ACTN4: variants seen among roughly 807,000 people sequenced by gnomAD.
ACTN4 encodes actinin alpha 4.
Under a neutral mutation model 114.2 loss-of-function variants are expected in ACTN4, and 18 were observed. That is an observed-to-expected ratio of 0.16 (90% CI 0.11 to 0.23). The LOEUF (loss-of-function observed/expected upper bound fraction) is 0.23, where lower values mean the gene tolerates loss of function less well. Ranked by LOEUF, ACTN4 falls within the 10% of genes least tolerant of loss-of-function variation. The pLI, the probability that ACTN4 is intolerant of heterozygous loss-of-function variation, is 1.00. For synonymous variants in ACTN4, 515 were observed against 506.3 expected (o/e 1.02, Z -0.23); for missense variants, 722 against 1,262.9 (o/e 0.57, Z 6.49).
intron 1 of ACTN4, among the ~76,000 whole-genome samples, chr19:38,663,716 G>T (rs536596503): frequency 3.5e-4 from 54 of 152,186 alleles, no homozygotes; most frequent in Admixed American, 7.2e-4. Flanking sequence ...TCTTCGGGGA[G>T]CTGCTGGTTT....
At chr19:38,687,611 C>T (rs1178550754) in intron 1 of ACTN4, among the ~76,000 whole-genome samples, 1 of 152,212 alleles carries the variant, frequency 6.6e-6, no homozygotes, top group Non-Finnish European at 1.5e-5. Context: ...ACCTTTACCT[C>T]ACACCATATA....
At chr19:38,696,785 G>T (rs952505857) in intron 1 of ACTN4, among the ~76,000 whole-genome samples, 1 of 152,182 alleles carries the variant, frequency 6.6e-6, no homozygotes, top group Non-Finnish European at 1.5e-5. Flanking sequence ...CCTGTGTCAG[G>T]TCCGGATCTG....
Position 38,699,442 on chromosome 19 carries a change from C to G in ACTN4, c.163-1158C>G, listed in dbSNP as rs567155736. Among the ~76,000 whole-genome samples the G allele has an allele frequency of 2.3e-3, 347 of 152,322 alleles. 1 individual carries two copies. The highest frequency in any genetic ancestry group is 7.9e-3 in the African/African-American group (327 of 41,574). On this transcript the variant is annotated intron_variant, in intron 1 of 20. Coordinates refer to ENST00000252699, the MANE Select transcript of ACTN4 (RefSeq NM_004924.6). ...CACTTGCCTTCCAGCCTCCTCTAAG[C>G]TGCACTGAGTCTTAAAAATAGGAAG... is the stretch of plus-strand genomic sequence containing the variant.
At chr19:38,668,693 A>G (rs1477188678) in intron 1 of ACTN4, among the ~76,000 whole-genome samples, 1 of 147,552 alleles carries the variant, frequency 6.8e-6, no homozygotes, top group East Asian at 1.9e-4. Context: ...GCAAAAAAAG[A>G]AAAAAGAAAA....
At chr19:38,662,096 G>A (rs940223401) in intron 1 of ACTN4, among the ~76,000 whole-genome samples, 1 of 152,184 alleles carries the variant, frequency 6.6e-6, no homozygotes, top group African/African-American at 2.4e-5. Context: ...AGGCATACAG[G>A]CTGATTCAGT....
At chr19:38,726,528 G>T (rs769053226) in intron 17 of ACTN4, among the ~76,000 whole-genome samples, 1 of 152,152 alleles carries the variant, frequency 6.6e-6, no homozygotes, top group Admixed American at 6.6e-5. Context: ...CTAACACTCC[G>T]GGGACATTAC....
rs1330496045 is a variant in ACTN4, at chr19:38,673,701, TTA to T, written c.162+25800_162+25801del. 6.6e-5 allele frequency among the ~76,000 whole-genome samples: 4 copies of T among 60,616 alleles called. 1 individual carries two copies. Among genetic ancestry groups the T allele is most frequent in the Admixed American group, 4.4e-4 (2 of 4,594 alleles). The allele number at this position is 60,616 out of a possible 152,430, so 39.8% of individuals were successfully genotyped here. A position where few individuals can be genotyped will look rare whatever the true frequency, so the allele number is the denominator to read the frequency against. On this transcript the variant is annotated intron_variant, in intron 1 of 20. Coordinates refer to ENST00000252699, the MANE Select transcript of ACTN4 (RefSeq NM_004924.6). ...ATATATTTATATATATTATATATAT[TTA>T]TATATTTATATATTTATATATACTT...
chr19:38,718,678 C>T (rs1248565094), intron 11 of ACTN4, among the ~76,000 whole-genome samples: 2 of 152,218 alleles, frequency 1.3e-5, no homozygotes, highest in Non-Finnish European at 2.9e-5. Context: ...CACAGCCAAG[C>T]CCCCTCCAGC....
At chr19:38,672,140 A>G (rs1967147938) in intron 1 of ACTN4, among the ~76,000 whole-genome samples, 1 of 151,944 alleles carries the variant, frequency 6.6e-6, no homozygotes, top group Non-Finnish European at 1.5e-5. Flanking sequence ...TGTGCCACCT[A>G]AGGTACATTA....
chr19:38,700,883 C>A, intron 2 of ACTN4, 119 bp from the exon 3 acceptor site: 1 of 1,479,014 alleles, frequency 6.8e-7, no homozygotes, highest in Non-Finnish European at 9.2e-7. Flanking sequence ...GCCTGGTGGG[C>A]CAGCAGAGGA....
At chr19:38,688,807 T>C (rs1452085795) in intron 1 of ACTN4, among the ~76,000 whole-genome samples, 1 of 152,054 alleles carries the variant, frequency 6.6e-6, no homozygotes, top group Non-Finnish European at 1.5e-5. Context: ...AGTCAGATAA[T>C]AAGTATTGAC....
intron 1 of ACTN4, among the ~76,000 whole-genome samples, chr19:38,678,831 G>GT (rs1234856271): frequency 3.9e-5 from 6 of 152,200 alleles, no homozygotes; most frequent in African/African-American, 1.4e-4. Context: ...ACCCGGGACT[G>GT]TTTCTCCTTT....
intron 19 of ACTN4, 75 bp from the exon 20 acceptor site, chr19:38,728,921 A>C (rs1160164251): frequency 3.8e-6 from 6 of 1,579,810 alleles, no homozygotes; most frequent in Non-Finnish European, 5.2e-6. Context: ...TTCCCTGGAG[A>C]CCCCACCAGT....
chr19:38,700,643 C>T lies in ACTN4; in HGVS notation c.206C>T (p.Thr69Ile), dbSNP rs1968241054. 1.9e-6 allele frequency: 3 copies of T among 1,614,070 alleles called. No individual in the cohort carries two copies. The highest frequency in any genetic ancestry group is 1.1e-5 in the South Asian group (1 of 91,086). Residue 69 changes from threonine to isoleucine, a missense_variant, in exon 2 of 21, where the codon ACA becomes ATA. By Grantham distance (89) the Thr-to-Ile change is moderately conservative. This residue lies in a region of ACTN4 where 127 missense variants were observed against 311.3 expected (regional missense o/e 0.41). Transcript: ENST00000252699. ...AACTCCCACCTGCGGAAGGCAGGCA[C>T]ACAGATCGAGAACATTGATGAGGAC... is the stretch of plus-strand genomic sequence containing the variant. ...WCNSHLRKAG[T>I]QIENIDEDFR...
chr19:38,669,850 C>T (rs1211184167), intron 1 of ACTN4, among the ~76,000 whole-genome samples: 1 of 152,070 alleles, frequency 6.6e-6, no homozygotes, highest in Non-Finnish European at 1.5e-5. Flanking sequence ...ACTAGCTCCA[C>T]AAGCAAAAGA....
intron 1 of ACTN4, 172 bp downstream of exon 1, chr19:38,648,079 T>A: frequency 1.4e-6 from 1 of 709,640 alleles, no homozygotes; most frequent in Non-Finnish European, 2.1e-6. Flanking sequence ...ATCGCCGAGC[T>A]AGAGGAAGGA....
chr19:38,657,043 A>G (rs1046561565), intron 1 of ACTN4, among the ~76,000 whole-genome samples: 1 of 150,924 alleles, frequency 6.6e-6, no homozygotes, highest in African/African-American at 2.4e-5. Context: ...TGGCCTAATC[A>G]TAACTCACTG....
intron 1 of ACTN4, among the ~76,000 whole-genome samples, chr19:38,650,819 T>TCCGTCTC (rs2144815426): frequency 6.6e-6 from 1 of 152,248 alleles, no homozygotes; most frequent in East Asian, 1.9e-4. Context: ...CACCGCAACC[T>TCCGTCTC]CCGTCTCCCG....
chr19:38,660,073 C>T (rs1976835294), intron 1 of ACTN4, among the ~76,000 whole-genome samples: 1 of 152,106 alleles, frequency 6.6e-6, no homozygotes, highest in South Asian at 2.1e-4. Flanking sequence ...CAGGCGTGGC[C>T]ATCATGTCCG....
Sources: allele counts gnomAD v4.1 joint callset (sites outside exome capture counted in the v4.1 genomes callset), GRCh38; gene constraint gnomAD v4.1.1; regional missense constraint gnomAD v4.1.1; transcripts MANE v1.5; gene names NCBI Gene and HGNC (gene_info 2026-07-23, HGNC 2026-07-21).